Variants in RTL9 observed in about 807,000 individuals in gnomAD.
RTL9 encodes the protein retrotransposon Gag like 9.
RTL9 carries 19 observed loss-of-function variants against 44.7 expected under a neutral mutation model. That is an observed-to-expected ratio of 0.42 (90% CI 0.30 to 0.62). The LOEUF is 0.62. Ranked by LOEUF, RTL9 falls within the 20% of genes least tolerant of loss-of-function variation. The pLI is 0.16. For synonymous variants in RTL9, 407 were observed against 398.9 expected, an observed-to-expected ratio of 1.02 and a Z score of -0.24; for missense variants, 1,105 against 1,080.6, an observed-to-expected ratio of 1.02 and a Z score of -0.32.
At position 110,453,604 on chromosome X, in the gene RTL9, C is replaced by T. The variant is rs149669062; in HGVS notation, c.2987C>T (p.Ala996Val). 57 of 1,210,645 alleles carry T rather than the reference C, an allele frequency of 4.7e-5. No individual in the cohort carries two copies. In the Middle Eastern group the frequency reaches 9.2e-4, roughly 20 times the overall value. ...ACGTCCACATTGCAAACCAGTGTTG[C>T]GAACTCTAGATCTATGTCCTTGTCA... Residue 996 changes from alanine (A) to valine (V), a missense_variant, in exon 1 of 2, where the codon GCG becomes GTG. Coordinates refer to ENST00000540313, the Ensembl canonical transcript of RTL9.
exon 1 of RTL9, chrX:110,454,554 G>A: frequency 4.1e-6 from 5 of 1,211,890 alleles, no homozygotes; most frequent in Non-Finnish European, 5.6e-6. Context: ...CCAGCTGGCT[G>A]AAGAGAAGGA....
intron 1 of RTL9, among the ~76,000 whole-genome samples, chrX:110,385,028 A>G (rs957619930): frequency 3.6e-5 from 4 of 111,255 alleles, no homozygotes; most frequent in African/African-American, 1.3e-4. Flanking sequence ...GCAGAATAAT[A>G]GAAAAATAAC....
exon 1 of RTL9, chrX:110,450,615 G>A: frequency 1.7e-6 from 2 of 1,205,671 alleles, no homozygotes; most frequent in South Asian, 3.5e-5. Context: ...GGCTGTGGCA[G>A]ATATGTCAAT....
At chrX:110,368,894 A>T (rs898505911) in intron 1 of RTL9, among the ~76,000 whole-genome samples, 1 of 111,915 alleles carries the variant, frequency 8.9e-6, no homozygotes, top group African/African-American at 3.2e-5. Context: ...GATATCCTTC[A>T]TCATCTGCAG....
intron 1 of RTL9, among the ~76,000 whole-genome samples, chrX:110,380,323 A>C (rs775327005): frequency 1.4e-4 from 15 of 109,410 alleles, no homozygotes; most frequent in Non-Finnish European, 2.3e-4. Context: ...GAGCCAAATC[A>C]AGAATGCAAT....
chrX:110,424,926 T>C (rs2068743570), intron 1 of RTL9, among the ~76,000 whole-genome samples: 1 of 111,639 alleles, frequency 9.0e-6, no homozygotes, highest in Admixed American at 9.5e-5. Context: ...CCAGGCAGTA[T>C]GCTAGGTGGT....
At chrX:110,391,395 G>C (rs1332377526) in intron 1 of RTL9, among the ~76,000 whole-genome samples, 1 of 112,120 alleles carries the variant, frequency 8.9e-6, no homozygotes, top group East Asian at 2.8e-4. Flanking sequence ...GGATTAATAA[G>C]TGCTGATTTA....
At chrX:110,403,932 TG>T (rs2068581082) in intron 1 of RTL9, among the ~76,000 whole-genome samples, 1 of 112,171 alleles carries the variant, frequency 8.9e-6, no homozygotes, top group Non-Finnish European at 1.9e-5. Context: ...AGCCTCCCAC[TG>T]TCTTATAATG....
chrX:110,428,681 A>G (rs2068772398), intron 1 of RTL9, among the ~76,000 whole-genome samples: 1 of 110,404 alleles, frequency 9.1e-6, no homozygotes, highest in Non-Finnish European at 1.9e-5. Flanking sequence ...GTCATTCCTC[A>G]TTGTCTGCAG....
intron 1 of RTL9, among the ~76,000 whole-genome samples, chrX:110,410,487 T>C (rs1414659360): frequency 8.9e-6 from 1 of 112,221 alleles, no homozygotes; most frequent in Non-Finnish European, 1.9e-5. Flanking sequence ...CCACCTATTT[T>C]CTTTGAACAC....
exon 2 of RTL9, chrX:110,455,882 T>C (rs1195240487): frequency 8.9e-6 from 1 of 112,771 alleles, no homozygotes; most frequent in Non-Finnish European, 1.9e-5. Flanking sequence ...ATAATAGTGA[T>C]AGTATAATGG....
intron 1 of RTL9, among the ~76,000 whole-genome samples, chrX:110,367,973 A>AATTATTATTATTATT (rs201193443): frequency 6.8e-4 from 58 of 85,325 alleles, no homozygotes; most frequent in East Asian, 1.1e-3. Flanking sequence ...AGTGCTGGCT[A>AATTATTATTATTATT]ATTATTATTA....
chrX:110,452,284 C>A (rs756754992), exon 1 of RTL9: 8 of 1,211,742 alleles, frequency 6.6e-6, no homozygotes, highest in Non-Finnish European at 8.9e-6. Flanking sequence ...CAAATGAGAA[C>A]CATGGCCTCA....
intron 1 of RTL9, among the ~76,000 whole-genome samples, chrX:110,362,444 A>C (rs1362451324): frequency 8.0e-5 from 9 of 112,340 alleles, no homozygotes; most frequent in Non-Finnish European, 1.5e-4. Flanking sequence ...TGAAATCAGT[A>C]TTTTTAATTA....
chrX:110,420,309 A>C (rs1266915607), intron 1 of RTL9, among the ~76,000 whole-genome samples: 1 of 112,327 alleles, frequency 8.9e-6, no homozygotes, highest in African/African-American at 3.2e-5. Flanking sequence ...TGGAATAGCT[A>C]ACCAAGGAAT....
intron 1 of RTL9, among the ~76,000 whole-genome samples, chrX:110,360,431 G>A (rs774700966): frequency 3.6e-5 from 4 of 111,689 alleles, no homozygotes; most frequent in African/African-American, 6.5e-5. Flanking sequence ...GTAGTCAAGA[G>A]GCTATTACCA....
Position 110,373,770 on chromosome X carries a change from C to A in RTL9, c.-168+14854C>A, listed in dbSNP as rs59600023. Among the ~76,000 whole-genome samples the A allele has an allele frequency of 3.9e-3, 439 of 111,591 alleles. 8 individuals carry two copies. The highest frequency in any genetic ancestry group is 0.033 in the Admixed American group (345 of 10,519). On this transcript the variant is annotated intron_variant, in intron 1 of 2. Transcript: ENST00000520821. ...AGGAACATAATACATAAAGCAAGAG[C>A]ACAACTTTCCTCGGTGTGTGTACAC...
upstream of RTL9, among the ~76,000 whole-genome samples, chrX:110,417,465 C>T (rs147630366): frequency 0.08 from 8,931 of 112,030 alleles, 812 homozygotes; most frequent in African/African-American, 0.26. Flanking sequence ...TAGGGGTGTG[C>T]AGACGCAAAT....
rs1015254422 is a variant in RTL9, at chrX:110,395,342, T to C, written c.-168+36426T>C. On this transcript the variant is annotated intron_variant, in intron 1 of 2. Transcript: ENST00000520821. The stretch of plus-strand genomic sequence containing the variant: ...CTCCCAGACCTCAACTCATGTCTTT[T>C]TCCCTCTTCACCAGGGCAGAGGCTA... Among the ~76,000 whole-genome samples, 4 of 112,228 alleles carry C rather than the reference T, an allele frequency of 3.6e-5. No individual in the cohort carries two copies. The East Asian group carries it at 1.1e-3, about 32-fold the overall frequency.
Sources: gnomAD v4.1 joint callset for allele counts (sites outside exome capture counted in the v4.1 genomes callset) on GRCh38, gnomAD v4.1.1 for gene constraint, MANE v1.5 for transcripts, NCBI Gene and HGNC (gene_info 2026-07-23, HGNC 2026-07-21) for gene names.